The following LRRN2 variants were observed in gnomAD, a reference collection of about 807,000 sequenced individuals.
LRRN2 encodes leucine-rich repeat neuronal protein 2.
A neutral mutation model predicts 35.7 loss-of-function variants in LRRN2; 10 were observed. That is an observed-to-expected ratio of 0.28 (90% CI 0.17 to 0.47). LRRN2 has a LOEUF of 0.47. LRRN2 is among the 20% of genes least tolerant of loss of function. LRRN2 has a pLI of 0.99. For synonymous variants in LRRN2, 391 were observed against 409.6 expected, an observed-to-expected ratio of 0.95 and a Z score of 0.55; for missense variants, 731 against 940.3, an observed-to-expected ratio of 0.78 and a Z score of 2.91.
At chr1:204,637,058 C>G (rs1361469124) in intron 1 of LRRN2, among the ~76,000 whole-genome samples, 1 of 151,962 alleles carries the variant, frequency 6.6e-6, no homozygotes, top group Non-Finnish European at 1.5e-5. Context: ...TAAGGCAAGT[C>G]TAATAATAAG....
At chr1:204,677,138 G>C (rs945589278) in intron 1 of LRRN2, among the ~76,000 whole-genome samples, 1 of 152,202 alleles carries the variant, frequency 6.6e-6, no homozygotes, top group Non-Finnish European at 1.5e-5. Context: ...GGCTCGGAAA[G>C]GTTAAGATGC....
intron 1 of LRRN2, among the ~76,000 whole-genome samples, chr1:204,639,770 A>C (rs1041562469): frequency 6.6e-6 from 1 of 152,208 alleles, no homozygotes; most frequent in African/African-American, 2.4e-5. Flanking sequence ...TATCTCTTTT[A>C]ATCCTCATAA....
chr1:204,670,827 G>A (rs754838632), intron 1 of LRRN2, among the ~76,000 whole-genome samples: 2 of 152,210 alleles, frequency 1.3e-5, no homozygotes. Context: ...GGGGGAGGAA[G>A]CCAGACTGAA....
intron 1 of LRRN2, among the ~76,000 whole-genome samples, chr1:204,663,338 G>C (rs1668509321): frequency 6.6e-6 from 1 of 152,204 alleles, no homozygotes; most frequent in African/African-American, 2.4e-5. Context: ...CATTATGCTT[G>C]GTTGACTTGG....
At chr1:204,646,661 T>C (rs1023014440) in intron 1 of LRRN2, among the ~76,000 whole-genome samples, 1 of 152,320 alleles carries the variant, frequency 6.6e-6, no homozygotes, top group Admixed American at 6.5e-5. Flanking sequence ...CCACCAGCTT[T>C]CAAAGATTCA....
Position 204,673,091 on chromosome 1 carries a change from T to C in LRRN2, c.-227+12229A>G, listed in dbSNP as rs1445958188. Among the ~76,000 whole-genome samples, 5 of 152,308 alleles carry C rather than the reference T, an allele frequency of 3.3e-5. No homozygotes were observed. The East Asian group carries it at 7.7e-4, about 24-fold the overall frequency. ...CTCCCTCTCCCTCTGTCAGATGATA[T>C]ATGCTTAGAGAATGCACCAGCAACT... On this transcript the variant is annotated intron_variant, in intron 1 of 1. Coordinates refer to ENST00000367177, the MANE Select transcript of LRRN2 (RefSeq NM_201630.2).
At chr1:204,660,541 C>T (rs188777524) in intron 1 of LRRN2, among the ~76,000 whole-genome samples, 13 of 150,956 alleles carry the variant, frequency 8.6e-5, no homozygotes, top group African/African-American at 2.2e-4. Context: ...CCCTTCTCCC[C>T]GCCTTACACA....
chr1:204,656,278 A>G (rs1461377954), intron 1 of LRRN2, among the ~76,000 whole-genome samples: 2 of 152,212 alleles, frequency 1.3e-5, no homozygotes, highest in Admixed American at 6.5e-5. Flanking sequence ...CACGTGTGTC[A>G]AAGATATAGT....
At chr1:204,657,668 G>A (rs1668389208) in intron 1 of LRRN2, among the ~76,000 whole-genome samples, 1 of 152,084 alleles carries the variant, frequency 6.6e-6, no homozygotes, top group South Asian at 2.1e-4. Flanking sequence ...GGCAATGGAT[G>A]TACAACCTTG....
In LRRN2 at chr1:204,672,573, C is replaced by T. The variant is rs374360705; in HGVS notation, c.-227+12747G>A. 2.6e-5 allele frequency among the ~76,000 whole-genome samples: 4 copies of T among 152,154 alleles called. No homozygotes were observed. In the South Asian group the frequency reaches 6.2e-4, roughly 24 times the overall value. Reference sequence around the variant, plus strand: ...ACGTTCTGTTTGCACATCTCTGTCGCGCCGTCTTGGAGGAGGCTGCATGGA... The same window carrying T: ...ACGTTCTGTTTGCACATCTCTGTCGTGCCGTCTTGGAGGAGGCTGCATGGA... On this transcript the variant is annotated intron_variant, in intron 1 of 1. Coordinates refer to ENST00000367177, the MANE Select transcript of LRRN2 (RefSeq NM_201630.2).
At chr1:204,666,907 A>G (rs1668583452) in intron 1 of LRRN2, among the ~76,000 whole-genome samples, 1 of 139,418 alleles carries the variant, frequency 7.2e-6, no homozygotes, top group Non-Finnish European at 1.5e-5. Flanking sequence ...GGTTGCAGTG[A>G]GCCAAGATCA....
intron 1 of LRRN2, among the ~76,000 whole-genome samples, chr1:204,646,243 T>C (rs1668103267): frequency 6.6e-6 from 1 of 152,202 alleles, no homozygotes; most frequent in Non-Finnish European, 1.5e-5. Context: ...ATTAGGGACC[T>C]GACTGCCTGT....
intron 1 of LRRN2, among the ~76,000 whole-genome samples, chr1:204,637,319 A>G (rs182433591): frequency 1.4e-4 from 21 of 152,232 alleles, no homozygotes; most frequent in Non-Finnish European, 2.4e-4. Flanking sequence ...ATCTAGCCCA[A>G]TGCTTTCTAG....
chr1:204,671,349 A>T (rs1462444001), intron 1 of LRRN2, among the ~76,000 whole-genome samples: 1 of 150,358 alleles, frequency 6.7e-6, no homozygotes, highest in African/African-American at 2.4e-5. Context: ...ACTTTTGAAG[A>T]GCAAGCTGGG....
At chr1:204,631,819 C>T (rs1328519351) in intron 1 of LRRN2, among the ~76,000 whole-genome samples, 1 of 151,944 alleles carries the variant, frequency 6.6e-6, no homozygotes, top group Admixed American at 6.6e-5. Flanking sequence ...TGAGTGGCTC[C>T]CCGTGGGTCT....
intron 1 of LRRN2, among the ~76,000 whole-genome samples, chr1:204,683,401 G>C (rs181900981): frequency 2.0e-5 from 3 of 152,144 alleles, no homozygotes; most frequent in Admixed American, 2.0e-4. Flanking sequence ...GCAGTGTGAG[G>C]GGGAAAAGGG....
intron 1 of LRRN2, among the ~76,000 whole-genome samples, chr1:204,643,575 C>T (rs1283864994): frequency 5.3e-5 from 8 of 151,918 alleles, no homozygotes; most frequent in Non-Finnish European, 1.0e-4. Flanking sequence ...GGGGTGCAGC[C>T]GAAACAGAAT....
At chr1:204,633,476 A>AT (rs1323540984) in intron 1 of LRRN2, among the ~76,000 whole-genome samples, 1 of 152,132 alleles carries the variant, frequency 6.6e-6, no homozygotes, top group Non-Finnish European at 1.5e-5. Context: ...TCCAGTCTTT[A>AT]TTTTTCCAGT....
At chr1:204,657,614 A>G (rs2772228) in intron 1 of LRRN2, among the ~76,000 whole-genome samples, 139,760 of 152,066 alleles carry the variant, frequency 0.92, 64,646 homozygotes, top group East Asian at 1. Flanking sequence ...ATGGGTATGG[A>G]GTTTTTTGGG....
Sources: gnomAD v4.1 joint callset for allele counts (sites outside exome capture counted in the v4.1 genomes callset) on GRCh38, gnomAD v4.1.1 for gene constraint, MANE v1.5 for transcripts, NCBI Gene and HGNC (gene_info 2026-07-23, HGNC 2026-07-21) for gene names.